LRP1B: variants seen among roughly 807,000 people sequenced by gnomAD.
LRP1B encodes low-density lipoprotein receptor-related protein 1B.
Under a neutral mutation model 556.6 loss-of-function variants are expected in LRP1B, and 217 were observed. The observed-to-expected ratio is 0.39, with a 90% confidence interval of 0.35 to 0.44. LRP1B has a LOEUF of 0.44. Among genes scored for constraint, LRP1B ranks in the 20% least tolerant of loss-of-function variants. The pLI, the probability that LRP1B is intolerant of heterozygous loss-of-function variation, is 1.00. For missense variants in LRP1B, 5,053 were observed against 5,620.8 expected (o/e 0.90, Z 3.23); for synonymous variants, 2,047 against 1,865.8 (o/e 1.10, Z -2.50).
At chr2:141,038,658 G>C (rs896201745) in intron 11 of LRP1B, among the ~76,000 whole-genome samples, 2 of 151,952 alleles carry the variant, frequency 1.3e-5, no homozygotes, top group Non-Finnish European at 2.9e-5. Flanking sequence ...TTCCTACTTT[G>C]GTATCCCTAA....
intron 1 of LRP1B, among the ~76,000 whole-genome samples, chr2:141,979,604 G>C (rs912567136): frequency 6.6e-6 from 1 of 151,892 alleles, no homozygotes; most frequent in African/African-American, 2.4e-5. Context: ...CTTCTTTTCA[G>C]TTATCTTGCC....
At chr2:142,097,651 T>C (rs1410342293) in intron 1 of LRP1B, among the ~76,000 whole-genome samples, 1 of 151,640 alleles carries the variant, frequency 6.6e-6, no homozygotes, top group Non-Finnish European at 1.5e-5. Context: ...AATGTCAGCA[T>C]ACACAGAGCT....
intron 6 of LRP1B, among the ~76,000 whole-genome samples, chr2:141,224,311 C>A (rs1683159436): frequency 6.6e-6 from 1 of 152,064 alleles, no homozygotes; most frequent in Non-Finnish European, 1.5e-5. Flanking sequence ...TCACGCCAGT[C>A]AGAATAGTGA....
intron 35 of LRP1B, among the ~76,000 whole-genome samples, chr2:140,727,197 G>T (rs1354248456): frequency 6.6e-6 from 1 of 152,086 alleles, no homozygotes; most frequent in Non-Finnish European, 1.5e-5. Flanking sequence ...ATTGTGCAAT[G>T]AAAAGGAAAG....
chr2:140,631,921 A>C (rs1326079698), intron 41 of LRP1B, among the ~76,000 whole-genome samples: 1 of 152,200 alleles, frequency 6.6e-6, no homozygotes, highest in East Asian at 1.9e-4. Flanking sequence ...ATAATTCCTC[A>C]CCTATAGAAG....
intron 41 of LRP1B, among the ~76,000 whole-genome samples, chr2:140,640,975 G>A (rs1684274044): frequency 6.6e-6 from 1 of 152,126 alleles, no homozygotes; most frequent in African/African-American, 2.4e-5. Context: ...TGTGTCCGAT[G>A]TTACTTCTTT....
At chr2:140,578,795 T>C (rs1257732842) in intron 43 of LRP1B, among the ~76,000 whole-genome samples, 7 of 152,206 alleles carry the variant, frequency 4.6e-5, no homozygotes, top group Non-Finnish European at 1.5e-5. Flanking sequence ...GAGATGATTT[T>C]TTCTAAGTAC....
At chr2:141,356,109 G>C (rs552821118) in intron 3 of LRP1B, among the ~76,000 whole-genome samples, 9 of 152,252 alleles carry the variant, frequency 5.9e-5, no homozygotes, top group African/African-American at 2.2e-4. Flanking sequence ...TCAGAAGCTA[G>C]TTTTGCAAAA....
intron 7 of LRP1B, among the ~76,000 whole-genome samples, chr2:141,168,356 A>G (rs1042419820): frequency 6.6e-6 from 1 of 152,054 alleles, no homozygotes; most frequent in Non-Finnish European, 1.5e-5. Flanking sequence ...TATTATAACT[A>G]GGTTTTGGGA....
intron 35 of LRP1B, among the ~76,000 whole-genome samples, chr2:140,757,921 T>G (rs1391014637): frequency 5.3e-5 from 8 of 152,114 alleles, no homozygotes. Flanking sequence ...GTGGTTGACT[T>G]GAGGCTGGGA....
At chr2:140,283,328 A>G (rs1423906447) in intron 84 of LRP1B, among the ~76,000 whole-genome samples, 1 of 151,786 alleles carries the variant, frequency 6.6e-6, no homozygotes, top group African/African-American at 2.4e-5. Flanking sequence ...TACCTTCCAA[A>G]GTCAGAGCTG....
At chr2:141,709,542 T>C (rs1692279479) in intron 2 of LRP1B, among the ~76,000 whole-genome samples, 1 of 152,124 alleles carries the variant, frequency 6.6e-6, no homozygotes, top group African/African-American at 2.4e-5. Context: ...AGTTTTGAAT[T>C]TCTTTGTTTG....
chr2:140,971,085 T>C (rs1401154369), intron 18 of LRP1B, among the ~76,000 whole-genome samples: 1 of 152,136 alleles, frequency 6.6e-6, no homozygotes, highest in East Asian at 1.9e-4. Flanking sequence ...GATGACATTT[T>C]TTGTGCTAAT....
intron 7 of LRP1B, among the ~76,000 whole-genome samples, chr2:141,079,166 AAAAC>A (rs996867811): frequency 1.1e-4 from 17 of 152,276 alleles, no homozygotes; most frequent in Middle Eastern, 3.4e-3. Flanking sequence ...AAAACAAAAC[AAAAC>A]AAACAAACAA....
At chr2:141,802,802 G>T (rs1696051008) in intron 2 of LRP1B, among the ~76,000 whole-genome samples, 1 of 152,072 alleles carries the variant, frequency 6.6e-6, no homozygotes, top group African/African-American at 2.4e-5. Context: ...ACACATGAAA[G>T]GTAAGAAGCC....
At position 140,466,805 on chromosome 2, in the gene LRP1B, C is replaced by A. The variant is rs539960199; in HGVS notation, c.9625+8333G>T. On this transcript the variant is annotated intron_variant, in intron 60 of 90. Transcript: ENST00000389484. ...AACTCAAGGTCAAACGTAACTTTTT[C>A]TTAGTTCGCCCTTTTGTTATTACTG... Among the ~76,000 whole-genome samples the A allele has an allele frequency of 4.1e-3, 624 of 152,230 alleles. 5 individuals are homozygous for A. Among genetic ancestry groups the A allele is most frequent in the African/African-American group, 0.014 (584 of 41,560 alleles).
chr2:140,773,328 G>C (rs1573698611), intron 33 of LRP1B, among the ~76,000 whole-genome samples: 3 of 152,116 alleles, frequency 2.0e-5, no homozygotes, highest in Admixed American at 2.0e-4. Flanking sequence ...AATTAGCCAG[G>C]CATGGTAGTG....
chr2:141,378,741 T>C (rs1459068489), intron 3 of LRP1B, among the ~76,000 whole-genome samples: 2 of 152,184 alleles, frequency 1.3e-5, no homozygotes, highest in African/African-American at 4.8e-5. Flanking sequence ...GAAGAAAGAA[T>C]AGCAGGTTTG....
At chr2:141,722,711 T>C (rs1178967440) in intron 2 of LRP1B, among the ~76,000 whole-genome samples, 1 of 149,436 alleles carries the variant, frequency 6.7e-6, no homozygotes, top group Non-Finnish European at 1.5e-5. Context: ...ATAAGACAGA[T>C]AGACAGGCAG....
Sources: allele counts gnomAD v4.1 joint callset (sites outside exome capture counted in the v4.1 genomes callset), GRCh38; gene constraint gnomAD v4.1.1; transcripts MANE v1.5; gene names NCBI Gene and HGNC (gene_info 2026-07-23, HGNC 2026-07-21).